TMEM117: variants seen among roughly 807,000 people sequenced by gnomAD.
TMEM117 encodes transmembrane protein 117.
TMEM117 carries 27 observed loss-of-function variants against 52.4 expected under a neutral mutation model. The ratio of observed to expected loss-of-function variants is 0.51; its 90% confidence interval spans 0.38 to 0.71. TMEM117 has a LOEUF of 0.71. Ranked by LOEUF, TMEM117 falls within the 30% of genes least tolerant of loss-of-function variation. The pLI, the probability that TMEM117 is intolerant of heterozygous loss-of-function variation, is 0.00. For synonymous variants in TMEM117, 215 were observed against 206.3 expected (o/e 1.04, Z -0.36); for missense variants, 556 against 630.5 (o/e 0.88, Z 1.26).
chr12:43,832,846 T>A (rs1389682621), upstream of TMEM117, among the ~76,000 whole-genome samples: 1 of 152,216 alleles, frequency 6.6e-6, no homozygotes, highest in African/African-American at 2.4e-5. Flanking sequence ...GGATACTCCG[T>A]GTTTAGCAGC....
chr12:43,800,900 G>A, the TMEM117 span, among the ~76,000 whole-genome samples: 4 of 152,126 alleles, frequency 2.6e-5, no homozygotes, highest in South Asian at 4.1e-4. Context: ...ATAGGTGTGC[G>A]CCACCACACT....
At chr12:43,823,556 C>G in the TMEM117 span, among the ~76,000 whole-genome samples, 1 of 152,062 alleles carries the variant, frequency 6.6e-6, no homozygotes, top group South Asian at 2.1e-4. Context: ...TGTCTCCAGG[C>G]TGGAGCACAG....
the TMEM117 span, among the ~76,000 whole-genome samples, chr12:44,397,872 C>T: frequency 6.6e-6 from 1 of 152,136 alleles, no homozygotes; most frequent in Admixed American, 6.5e-5. Context: ...AGCCAGGATT[C>T]TACACAGAGT....
chr12:44,136,976 T>C (rs1385780030), intron 3 of TMEM117, among the ~76,000 whole-genome samples: 2 of 152,104 alleles, frequency 1.3e-5, no homozygotes, highest in Non-Finnish European at 2.9e-5. Context: ...TTTTATGCTT[T>C]TATACTCATC....
At chr12:44,092,525 A>G (rs1056805703) in intron 3 of TMEM117, among the ~76,000 whole-genome samples, 3 of 152,134 alleles carry the variant, frequency 2.0e-5, no homozygotes, top group Admixed American at 6.6e-5. Context: ...TTTTATTACC[A>G]TCTAGGGACC....
chr12:44,121,561 A>G (rs1048034212), intron 3 of TMEM117, among the ~76,000 whole-genome samples: 2 of 152,128 alleles, frequency 1.3e-5, no homozygotes, highest in Admixed American at 6.5e-5. Flanking sequence ...AGCTTAACAT[A>G]TTGTACAAAT....
intron 6 of TMEM117, among the ~76,000 whole-genome samples, chr12:44,354,514 A>G (rs981443638): frequency 1.4e-4 from 21 of 152,148 alleles, no homozygotes; most frequent in Non-Finnish European, 5.9e-5. Flanking sequence ...CTGGTTCAAC[A>G]TACAAAAATC....
chr12:44,376,240 A>G (rs1951939452), intron 6 of TMEM117, among the ~76,000 whole-genome samples: 1 of 152,198 alleles, frequency 6.6e-6, no homozygotes, highest in Non-Finnish European at 1.5e-5. Context: ...AAATATAACA[A>G]ATTTACCCCA....
At chr12:44,386,902 T>C (rs1394835433) in intron 7 of TMEM117, among the ~76,000 whole-genome samples, 4 of 152,054 alleles carry the variant, frequency 2.6e-5, no homozygotes, top group African/African-American at 9.7e-5. Flanking sequence ...TAGCTAGATA[T>C]TTTGTTAGAC....
intron 3 of TMEM117, among the ~76,000 whole-genome samples, chr12:43,983,215 G>C (rs962377880): frequency 6.6e-6 from 1 of 152,124 alleles, no homozygotes; most frequent in African/African-American, 2.4e-5. Context: ...AGGCTTTGCA[G>C]GTTTGTTTAC....
intron 6 of TMEM117, among the ~76,000 whole-genome samples, chr12:44,308,840 C>A (rs1269760074): frequency 6.6e-6 from 1 of 152,030 alleles, no homozygotes; most frequent in Non-Finnish European, 1.5e-5. Flanking sequence ...AGGATGGTCT[C>A]GATCTCCTGA....
chr12:44,280,037 A>G (rs1045666449), intron 5 of TMEM117, among the ~76,000 whole-genome samples: 1 of 152,180 alleles, frequency 6.6e-6, no homozygotes, highest in Non-Finnish European at 1.5e-5. Context: ...AATACACCAT[A>G]AAAAGCAGTA....
chr12:44,246,776 G>C (rs1950136050), intron 5 of TMEM117, among the ~76,000 whole-genome samples: 1 of 152,140 alleles, frequency 6.6e-6, no homozygotes, highest in African/African-American at 2.4e-5. Flanking sequence ...AGTCTCAATG[G>C]AGCAATTAAA....
downstream of TMEM117, among the ~76,000 whole-genome samples, chr12:44,393,766 C>G (rs748142082): frequency 1.3e-5 from 2 of 152,142 alleles, no homozygotes; most frequent in Non-Finnish European, 2.9e-5. Context: ...TAATAACTGC[C>G]TGGATGTAAT....
intron 6 of TMEM117, among the ~76,000 whole-genome samples, chr12:44,373,477 C>CT (rs1445726119): frequency 6.6e-6 from 1 of 152,220 alleles, no homozygotes; most frequent in African/African-American, 2.4e-5. Flanking sequence ...TGTGACCCTC[C>CT]TGGAAACATA....
chr12:44,043,632 C>A (rs1946835573), intron 3 of TMEM117, among the ~76,000 whole-genome samples: 1 of 152,092 alleles, frequency 6.6e-6, no homozygotes, highest in African/African-American at 2.4e-5. Context: ...TGTTTCCAGG[C>A]AAAATAATGT....
At chr12:44,229,713 C>A (rs1949909164) in intron 5 of TMEM117, among the ~76,000 whole-genome samples, 1 of 152,218 alleles carries the variant, frequency 6.6e-6, no homozygotes, top group African/African-American at 2.4e-5. Flanking sequence ...GTATTTCCAC[C>A]AATTCCCCTG....
At chr12:44,284,099 G>C (rs2138603059) in intron 5 of TMEM117, among the ~76,000 whole-genome samples, 2 of 152,298 alleles carry the variant, frequency 1.3e-5, no homozygotes, top group Non-Finnish European at 2.9e-5. Context: ...CAGACCATGA[G>C]GTCAAGAGAT....
At chr12:44,107,910 C>A (rs1485060869) in intron 3 of TMEM117, among the ~76,000 whole-genome samples, 1 of 152,166 alleles carries the variant, frequency 6.6e-6, no homozygotes, top group East Asian at 1.9e-4. Context: ...ATGTCCTGCA[C>A]TGAACCAATT....
Sources: allele counts gnomAD v4.1 joint callset (sites outside exome capture counted in the v4.1 genomes callset), GRCh38; gene constraint gnomAD v4.1.1; transcripts MANE v1.5; gene names NCBI Gene and HGNC (gene_info 2026-07-23, HGNC 2026-07-21).